Variants in CCDC7 observed in about 807,000 individuals in gnomAD.
The protein encoded by CCDC7 is coiled-coil domain-containing protein 7.
In CCDC7, 183 loss-of-function variants were observed where a neutral mutation model predicts 196.9. The ratio of observed to expected loss-of-function variants is 0.93; its 90% CI spans 0.82 to 1.05. The LOEUF (loss-of-function observed/expected upper bound fraction) is 1.05. CCDC7 is among the 50% of genes least tolerant of loss of function. The probability of loss-of-function intolerance (pLI) is 0.00; values close to 1 mark genes in which losing one functional copy is unlikely to be tolerated. For synonymous variants in CCDC7, 525 were observed against 484.6 expected, an observed-to-expected ratio of 1.08 and a Z score of -1.10; for missense variants, 1,540 against 1,482.2, an observed-to-expected ratio of 1.04 and a Z score of -0.64.
Position 32,584,449 on chromosome 10 carries a change from G to A in CCDC7, c.1801+145G>A, listed in dbSNP as rs138591093. ...TCACTGGATAGCATACAAATATAAC[G>A]ACAATTATATAAAAATTATCTCGGT... is the stretch of plus-strand genomic sequence containing the variant. On this transcript the variant is annotated intron_variant, in intron 18 of 41. Transcript: ENST00000639629. 1.0e-4 allele frequency: 51 copies of A among 491,470 alleles called. No individual in the cohort carries two copies. The East Asian group carries it at 1.5e-3, about 14-fold the overall frequency. The allele number at this position is 491,470 out of a possible 1,614,324, so 30.4% of individuals were successfully genotyped here.
At chr10:32,640,055 GTCT>G (rs2066438532) in intron 20 of CCDC7, among the ~76,000 whole-genome samples, 1 of 152,276 alleles carries the variant, frequency 6.6e-6, no homozygotes, top group East Asian at 1.9e-4. Context: ...TGTCTATTAG[GTCT>G]TCTTGGTGCA....
intron 29 of CCDC7, among the ~76,000 whole-genome samples, chr10:32,788,224 C>T (rs2082155568): frequency 6.6e-6 from 1 of 151,946 alleles, no homozygotes; most frequent in Non-Finnish European, 1.5e-5. Flanking sequence ...CCTGAAAACT[C>T]AGGCTTCACA....
intron 9 of CCDC7, among the ~76,000 whole-genome samples, chr10:32,506,467 G>C (rs2045144348): frequency 6.6e-6 from 1 of 152,256 alleles, no homozygotes; most frequent in African/African-American, 2.4e-5. Flanking sequence ...GCGGGCAGAA[G>C]CTGTAATCTT....
chr10:32,456,386 T>G (rs753961326), intron 3 of CCDC7, 52 bp downstream of exon 4: 6 of 1,376,030 alleles, frequency 4.4e-6, no homozygotes, highest in Non-Finnish European at 5.8e-6. Context: ...TTGTACTGGT[T>G]GTTGAAAATT....
intron 33 of CCDC7, 86 bp downstream of exon 34, chr10:32,834,984 G>T (rs2092489875): frequency 3.7e-6 from 2 of 546,588 alleles, no homozygotes; most frequent in Admixed American, 3.9e-5. Context: ...AACTGTAGCT[G>T]TAAGTTATTA....
intron 18 of CCDC7, among the ~76,000 whole-genome samples, chr10:32,594,893 A>T (rs1166478636): frequency 1.3e-5 from 2 of 152,160 alleles, no homozygotes; most frequent in Non-Finnish European, 2.9e-5. Flanking sequence ...CATCCCAGGG[A>T]TGAAGCCAAC....
At chr10:32,550,123 T>C (rs574510113) in intron 13 of CCDC7, among the ~76,000 whole-genome samples, 1 of 152,110 alleles carries the variant, frequency 6.6e-6, no homozygotes, top group Non-Finnish European at 1.5e-5. Context: ...TGTAGATGTC[T>C]TTCAACTCCT....
chr10:32,803,749 T>C (rs1320796981), intron 29 of CCDC7, among the ~76,000 whole-genome samples: 2 of 152,202 alleles, frequency 1.3e-5, no homozygotes, highest in African/African-American at 2.4e-5. Context: ...TTGTTATTGA[T>C]AGATAAGAAC....
intron 28 of CCDC7, among the ~76,000 whole-genome samples, chr10:32,730,347 AT>A (rs1229455684): frequency 1.3e-5 from 2 of 151,610 alleles, no homozygotes; most frequent in African/African-American, 4.8e-5. Context: ...CAATTATATC[AT>A]TTTTTTCTTG....
chr10:32,488,636 A>C (rs1468271939), intron 8 of CCDC7, among the ~76,000 whole-genome samples: 2 of 152,102 alleles, frequency 1.3e-5, no homozygotes, highest in East Asian at 3.9e-4. Context: ...CCAACCCCCC[A>C]GCATCAGAAT....
chr10:32,660,575 G>A (rs893593553), intron 20 of CCDC7, among the ~76,000 whole-genome samples: 48 of 141,102 alleles, frequency 3.4e-4, no homozygotes, highest in South Asian at 2.9e-3. Context: ...GAATAATGCC[G>A]CAATAAACAT....
chr10:32,685,683 G>A (rs372912738), intron 21 of CCDC7, among the ~76,000 whole-genome samples: 3 of 152,006 alleles, frequency 2.0e-5, no homozygotes, highest in African/African-American at 7.2e-5. Context: ...TTTATTGTTT[G>A]GTTTATGACA....
intron 14 of CCDC7, 139 bp downstream of exon 15, chr10:32,565,759 ATT>A (rs2056683897): frequency 1.4e-6 from 1 of 721,640 alleles, no homozygotes; most frequent in Admixed American, 3.3e-5. Context: ...AACTATATTC[ATT>A]TTATGCATTA....
chr10:32,814,389 G>A (rs765403275), exon 31 of CCDC7: 7 of 1,610,506 alleles, frequency 4.3e-6, no homozygotes, highest in Admixed American at 1.7e-5. Flanking sequence ...TAGAACAATT[G>A]ACAGATGCAT....
intron 21 of CCDC7, among the ~76,000 whole-genome samples, chr10:32,668,607 T>C (rs1475555241): frequency 7.2e-5 from 11 of 152,200 alleles, no homozygotes; most frequent in Non-Finnish European, 1.5e-4. Flanking sequence ...TCAAAGGCCT[T>C]TTCTGCATCT....
intron 28 of CCDC7, among the ~76,000 whole-genome samples, chr10:32,740,939 T>C (rs1192149367): frequency 6.6e-6 from 1 of 151,888 alleles, no homozygotes; most frequent in Non-Finnish European, 1.5e-5. Context: ...AAACTGAAGA[T>C]AATATTAAAT....
intron 29 of CCDC7, among the ~76,000 whole-genome samples, chr10:32,789,421 A>G (rs1310754441): frequency 2.6e-5 from 4 of 152,170 alleles, no homozygotes; most frequent in African/African-American, 9.7e-5. Context: ...GAAATTCTAG[A>G]GCTAAAGAAC....
chr10:32,701,357 G>A (rs558618578), intron 24 of CCDC7, among the ~76,000 whole-genome samples: 27 of 152,224 alleles, frequency 1.8e-4, no homozygotes, highest in African/African-American at 6.5e-4. Context: ...TTGCATCCCA[G>A]GGATGAAGCC....
intron 24 of CCDC7, among the ~76,000 whole-genome samples, chr10:32,708,087 G>A (rs1459842258): frequency 6.6e-6 from 1 of 152,138 alleles, no homozygotes; most frequent in Admixed American, 6.6e-5. Context: ...CAAGGCTACA[G>A]TAACCAAAAG....
Sources: allele counts gnomAD v4.1 joint callset (sites outside exome capture counted in the v4.1 genomes callset), GRCh38; gene constraint gnomAD v4.1.1; transcripts MANE v1.5; gene names NCBI Gene and HGNC (gene_info 2026-07-23, HGNC 2026-07-21).